Variants in GIPC2 observed in about 807,000 individuals in gnomAD.
The protein encoded by GIPC2 is GIPC PDZ domain containing family member 2.
GIPC2 carries 30 observed loss-of-function variants against 30.6 expected under a neutral mutation model. The observed-to-expected ratio is 0.98, with a 90% CI of 0.73 to 1.33. The LOEUF (loss-of-function observed/expected upper bound fraction) is 1.33. Ranked by LOEUF, GIPC2 falls within the 40% of genes most tolerant of loss-of-function variation. The pLI is 0.00. For synonymous variants in GIPC2, 167 were observed against 150.0 expected, an observed-to-expected ratio of 1.11 and a Z score of -0.83; for missense variants, 414 against 390.3, an observed-to-expected ratio of 1.06 and a Z score of -0.51.
Position 78,046,093 on chromosome 1 carries a change from A to G in GIPC2, c.-2A>G. Reference sequence around the variant, plus strand: ...GTGGGCCCGCGCTCTCGGCCCTGCAAGATGCCCCTGAAGCTGCGGGGGAAG... The same window carrying G: ...GTGGGCCCGCGCTCTCGGCCCTGCAGGATGCCCCTGAAGCTGCGGGGGAAG... On this transcript the variant is annotated 5_prime_UTR_variant, in exon 1 of 6. Coordinates refer to ENST00000370759, the MANE Select transcript of GIPC2 (RefSeq NM_017655.6). The G allele has an allele frequency of 1.4e-6, 2 of 1,449,564 alleles. No individual in the cohort carries two copies. The highest frequency in any genetic ancestry group is 3.0e-5 in the African/African-American group (2 of 66,538). The allele number at this position is 1,449,564 out of a possible 1,614,324, so 89.8% of individuals were successfully genotyped here.
At chr1:78,072,834 T>C (rs1661647620) in intron 1 of GIPC2, among the ~76,000 whole-genome samples, 1 of 152,082 alleles carries the variant, frequency 6.6e-6, no homozygotes, top group African/African-American at 2.4e-5. Context: ...AGACAGAGCC[T>C]TGCTCTGTCG....
At chr1:78,091,559 A>G in intron 2 of GIPC2, 1 of 756,446 alleles carries the variant, frequency 1.3e-6, no homozygotes, top group Non-Finnish European at 2.5e-6. Flanking sequence ...GCAGGATTTC[A>G]GCGGCAACCT....
At chr1:78,071,684 A>C (rs551130908) in intron 1 of GIPC2, among the ~76,000 whole-genome samples, 26 of 151,664 alleles carry the variant, frequency 1.7e-4, no homozygotes, top group African/African-American at 4.6e-4. Context: ...TGATCCTCCT[A>C]CCTTGGCTGG....
intron 3 of GIPC2, among the ~76,000 whole-genome samples, chr1:78,095,554 A>G (rs561538831): frequency 2.0e-5 from 3 of 152,318 alleles, no homozygotes; most frequent in African/African-American, 7.2e-5. Context: ...TAAAATAGTT[A>G]TCTAGTCCAT....
At chr1:78,060,527 C>T (rs1458101944) in intron 1 of GIPC2, among the ~76,000 whole-genome samples, 1 of 152,182 alleles carries the variant, frequency 6.6e-6, no homozygotes, top group Non-Finnish European at 1.5e-5. Context: ...AACCTGTTGG[C>T]TCTCAGTTAA....
chr1:78,086,803 A>G (rs1661936381), intron 2 of GIPC2, among the ~76,000 whole-genome samples: 2 of 151,960 alleles, frequency 1.3e-5, no homozygotes, highest in South Asian at 2.1e-4. Flanking sequence ...TTTTTTCTCC[A>G]TCCCTTTATT....
intron 2 of GIPC2, among the ~76,000 whole-genome samples, chr1:78,092,482 C>A (rs950239344): frequency 4.6e-5 from 7 of 152,158 alleles, no homozygotes; most frequent in African/African-American, 1.7e-4. Context: ...TAAAGTATAG[C>A]ATTAATGCCT....
chr1:78,046,383 C>A (rs766589686), intron 1 of GIPC2, 49 bp downstream of exon 1: 32 of 1,481,276 alleles, frequency 2.2e-5, no homozygotes, highest in Non-Finnish European at 3.0e-5. Context: ...CGCGCCGCGC[C>A]GCGCCGCGCG....
At position 78,119,504 on chromosome 1, in the gene GIPC2, GT is replaced by G. The variant is rs773449167; in HGVS notation, c.714+7del. 2 of 1,544,738 alleles carry G rather than the reference GT, an allele frequency of 1.3e-6. No individual in the cohort carries two copies. The highest frequency in any genetic ancestry group is 1.7e-5 in the Admixed American group (1 of 59,830). On this transcript the variant is annotated splice_donor_region_variant and intron_variant, in intron 4 of 5. Coordinates refer to ENST00000370759, the MANE Select transcript of GIPC2 (RefSeq NM_017655.6). ...CCTGCCACCGTGGAAGAAATGGTAT[GT>G]TATGTTCATTTACTTCCTGTTCTGC...
chr1:78,076,211 A>G (rs939319562), intron 1 of GIPC2, among the ~76,000 whole-genome samples: 2 of 152,228 alleles, frequency 1.3e-5, no homozygotes, highest in African/African-American at 4.8e-5. Context: ...AATGGGGAAG[A>G]GAAGTTTCCA....
intron 3 of GIPC2, among the ~76,000 whole-genome samples, chr1:78,113,018 A>C (rs866967037): frequency 1.3e-5 from 2 of 152,218 alleles, no homozygotes; most frequent in African/African-American, 2.4e-5. Context: ...ATGAAAACTA[A>C]AAATCAATGT....
intron 2 of GIPC2, 96 bp from the exon 3 acceptor site, chr1:78,094,856 C>T: frequency 1.2e-6 from 1 of 802,686 alleles, no homozygotes; most frequent in Non-Finnish European, 2.0e-6. Flanking sequence ...AAGTACTAAC[C>T]AGGCCCAAAC....
intron 3 of GIPC2, among the ~76,000 whole-genome samples, chr1:78,111,577 G>A (rs374331282): frequency 1.3e-5 from 2 of 152,164 alleles, no homozygotes; most frequent in South Asian, 2.1e-4. Flanking sequence ...GCCTTTGCAT[G>A]TTTCATTTTT....
intron 2 of GIPC2, among the ~76,000 whole-genome samples, chr1:78,089,806 GAAAAT>G (rs2100365107): frequency 1.3e-5 from 2 of 152,298 alleles, no homozygotes; most frequent in South Asian, 4.1e-4. Context: ...GCAGCAGCTG[GAAAAT>G]GTTTTCTGTA....
intron 3 of GIPC2, among the ~76,000 whole-genome samples, chr1:78,116,718 G>C (rs1452347237): frequency 6.6e-6 from 1 of 152,178 alleles, no homozygotes; most frequent in African/African-American, 2.4e-5. Context: ...GTATTCCATG[G>C]TGTATATGTG....
intron 1 of GIPC2, among the ~76,000 whole-genome samples, chr1:78,067,038 A>G (rs1222986871): frequency 4.6e-5 from 7 of 152,236 alleles, no homozygotes; most frequent in Admixed American, 2.6e-4. Flanking sequence ...AATGAAAAAA[A>G]TCATGTAAAA....
chr1:78,129,452 G>A (rs918696225), intron 5 of GIPC2, among the ~76,000 whole-genome samples: 6 of 152,056 alleles, frequency 3.9e-5, no homozygotes, highest in African/African-American at 9.7e-5. Context: ...ATTTGTTAAC[G>A]TAAGTATATA....
At chr1:78,133,541 A>G (rs1017521570) in intron 5 of GIPC2, among the ~76,000 whole-genome samples, 1 of 152,022 alleles carries the variant, frequency 6.6e-6, no homozygotes, top group South Asian at 2.1e-4. Flanking sequence ...CTTGAAGGAG[A>G]GAAGGATTTT....
intron 1 of GIPC2, among the ~76,000 whole-genome samples, chr1:78,080,352 T>C (rs1661800011): frequency 6.6e-6 from 1 of 152,184 alleles, no homozygotes; most frequent in Non-Finnish European, 1.5e-5. Flanking sequence ...TTACTTATTT[T>C]TACCAGGCTT....
Sources: allele counts gnomAD v4.1 joint callset (sites outside exome capture counted in the v4.1 genomes callset), GRCh38; gene constraint gnomAD v4.1.1; transcripts MANE v1.5; gene names NCBI Gene and HGNC (gene_info 2026-07-23, HGNC 2026-07-21).